The following DNM1L variants were observed in gnomAD, a reference collection of about 807,000 sequenced individuals.
DNM1L encodes dynamin-1-like protein.
DNM1L carries 33 observed loss-of-function variants against 92.8 expected under a neutral mutation model. The observed-to-expected ratio is 0.36, with a 90% CI of 0.27 to 0.48. The LOEUF is 0.48. Ranked by LOEUF, DNM1L falls within the 20% of genes least tolerant of loss-of-function variation. The pLI is 0.99. For missense variants in DNM1L, 485 were observed against 888.8 expected (o/e 0.55, Z 5.78); for synonymous variants, 284 against 305.0 (o/e 0.93, Z 0.72).
At position 32,743,695 on chromosome 12, in the gene DNM1L, C is replaced by G; in HGVS notation, c.*285C>G. Reference sequence around the variant, plus strand: ...TAACTTAAAAACAACTGTTAATGTTCTAGTTGTGCAAAGCAGTTTGCCTGT... The same window carrying G: ...TAACTTAAAAACAACTGTTAATGTTGTAGTTGTGCAAAGCAGTTTGCCTGT... On this transcript the variant is annotated 3_prime_UTR_variant, in exon 20 of 20. Transcript: ENST00000549701. 2.3e-6 allele frequency: 1 copy of G among 434,712 alleles called. No homozygotes were observed. The highest frequency in any genetic ancestry group is 4.2e-6 in the Non-Finnish European group (1 of 239,172). 26.9% of individuals were successfully genotyped at this position (434,712 alleles called of 1,614,324 possible).
chr12:32,707,092 A>G, intron 2 of DNM1L: 1 of 332,354 alleles, frequency 3.0e-6, no homozygotes, highest in East Asian at 5.2e-5. Context: ...TATTTGCAAA[A>G]TCTAGATTTC....
In DNM1L at chr12:32,742,657, G is replaced by T; in HGVS notation, c.2063G>T (p.Gly688Val). 1 of 1,614,080 alleles carries T rather than the reference G, an allele frequency of 6.2e-7. No individual in the cohort carries two copies. The highest frequency in any genetic ancestry group is 8.5e-7 in the Non-Finnish European group (1 of 1,180,000). ...GACACTCTTCAGAGTGAGCTAGTAG[G>T]CCAGCTGTATAAATCATCCTTATTG... Reference protein sequence around the residue: ...VKDTLQSELVGQLYKSSLLDD... With the variant: ...VKDTLQSELVVQLYKSSLLDD... Residue 688 changes from glycine (G) to valine (V), a missense_variant, in exon 19 of 20, where the codon GGC becomes GTC. Physicochemically the swap from Gly to Val is moderately radical, Grantham distance 109. Coordinates refer to ENST00000549701, the MANE Select transcript of DNM1L (RefSeq NM_012062.5).
chr12:32,730,311 C>T (rs1954466376), intron 9 of DNM1L, among the ~76,000 whole-genome samples: 1 of 152,194 alleles, frequency 6.6e-6, no homozygotes, highest in South Asian at 2.1e-4. Context: ...TTGCAGTAAG[C>T]CAAGAGCGCA....
At chr12:32,726,569 G>A in intron 9 of DNM1L, 1 of 1,214,466 alleles carries the variant, frequency 8.2e-7, no homozygotes, top group South Asian at 1.3e-5. Context: ...CACGTAAAAA[G>A]TGACCAATTT....
At chr12:32,724,681 A>G (rs979983201) in intron 9 of DNM1L, among the ~76,000 whole-genome samples, 6 of 107,664 alleles carry the variant, frequency 5.6e-5, no homozygotes, top group Admixed American at 2.7e-4. Flanking sequence ...AATAATATAT[A>G]TAATAATATA....
At chr12:32,737,654 A>G in intron 14 of DNM1L, 4 of 536,760 alleles carry the variant, frequency 7.5e-6, no homozygotes, top group Non-Finnish European at 1.3e-5. Context: ...TTGGATTTGG[A>G]TTTTTCTTAT....
rs1565516881 is a variant in DNM1L at position 32,717,228 on chromosome 12, A to AC, written c.620-1415_620-1414insC. On this transcript the variant is annotated intron_variant, in intron 6 of 19. Coordinates refer to ENST00000549701, the MANE Select transcript of DNM1L (RefSeq NM_012062.5). ...ATATACTATAAAATATATAGTATAT[A>AC]TTATATATATTTTATATATAGTATA... 3.0e-3 allele frequency among the ~76,000 whole-genome samples: 332 copies of AC among 111,076 alleles called. 1 individual carries two copies. Among genetic ancestry groups the AC allele is most frequent in the Non-Finnish European group, 4.7e-3 (278 of 58,532 alleles). The allele number at this position is 111,076 out of a possible 152,430, so 72.9% of individuals were successfully genotyped here.
chr12:32,735,181 T>C (rs1954789230), intron 13 of DNM1L, among the ~76,000 whole-genome samples: 1 of 152,200 alleles, frequency 6.6e-6, no homozygotes, highest in African/African-American at 2.4e-5. Flanking sequence ...TACAAATGAA[T>C]AGGTTTCTGG....
intron 6 of DNM1L, among the ~76,000 whole-genome samples, chr12:32,717,921 GTATA>G (rs1466340521): frequency 1.1e-4 from 8 of 74,290 alleles, no homozygotes; most frequent in African/African-American, 4.8e-4. Flanking sequence ...ATAAAATATA[GTATA>G]TATTTTATAT....
chr12:32,710,996 A>AT lies in DNM1L; in HGVS notation c.440dup (p.Leu147PhefsTer11), dbSNP rs1953104362. Reference sequence around the variant, plus strand: ...AACGTTGTCAATTTGACACTTGTGGATTTGCCAGGAATGACCAAGGTAAGG... The same window carrying AT: ...AACGTTGTCAATTTGACACTTGTGGATTTTGCCAGGAATGACCAAGGTAAGG... On this transcript the variant is annotated frameshift_variant, in exon 5 of 20. Coordinates refer to ENST00000549701, the MANE Select transcript of DNM1L (RefSeq NM_012062.5). LOFTEE classifies it high-confidence loss of function. The AT allele has an allele frequency of 6.2e-7, 1 of 1,613,792 alleles. No homozygotes were observed. Among genetic ancestry groups the AT allele is most frequent in the Non-Finnish European group, 8.5e-7 (1 of 1,179,888 alleles).
At chr12:32,717,075 ATATATATATATTT>A (rs1033302627) in intron 6 of DNM1L, among the ~76,000 whole-genome samples, 9 of 133,554 alleles carry the variant, frequency 6.7e-5, no homozygotes, top group South Asian at 2.2e-4. Context: ...ATACATAGGT[ATATATATATATTT>A]TATATATATA....
intron 9 of DNM1L, among the ~76,000 whole-genome samples, chr12:32,725,090 C>CT (rs200381294): frequency 1.4e-4 from 20 of 140,440 alleles, no homozygotes; most frequent in South Asian, 2.2e-4. Context: ...TCTTCTTCTT[C>CT]TTTTTTTTTA....
rs979494036 is a variant in DNM1L at position 32,736,646 on chromosome 12, TGTTTGA to T, written c.1540-454_1540-449del. 3.9e-5 allele frequency among the ~76,000 whole-genome samples: 6 copies of T among 152,248 alleles called. No homozygotes were observed. In the South Asian group the frequency reaches 8.3e-4, roughly 21 times the overall value. On this transcript the variant is annotated intron_variant, in intron 13 of 19. Coordinates refer to ENST00000549701, the MANE Select transcript of DNM1L (RefSeq NM_012062.5). ...CAAGATACGGTTTTATGAGGGGAGT[TGTTTGA>T]GTTTAACACAAAGGTGTTCAGGTTA...
At position 32,731,547 on chromosome 12, in the gene DNM1L, T is replaced by C; in HGVS notation, c.1356+36T>C. The C allele has an allele frequency of 6.2e-7, 1 of 1,612,318 alleles. No individual in the cohort carries two copies. Among genetic ancestry groups the C allele is most frequent in the Non-Finnish European group, 8.5e-7 (1 of 1,179,648 alleles). On this transcript the variant is annotated intron_variant, in intron 11 of 19. Coordinates refer to ENST00000549701, the MANE Select transcript of DNM1L (RefSeq NM_012062.5). The surrounding 1 kb of genome is among the most constrained non-coding windows in gnomAD (Gnocchi z 5.1). ...GAAATGTAACAGGTTTCACATGAACTAGAAAAGGACATGAAGTGGTGGTTT... is the reference window on the plus strand; with the variant it reads ...GAAATGTAACAGGTTTCACATGAACCAGAAAAGGACATGAAGTGGTGGTTT...
intron 7 of DNM1L, 28 bp downstream of exon 7, chr12:32,718,791 G>A (rs776936280): frequency 2.0e-5 from 32 of 1,612,020 alleles, no homozygotes; most frequent in Non-Finnish European, 2.7e-5. Flanking sequence ...GATAAGAATT[G>A]GGATAAGCAT....
chr12:32,686,937 C>CTTTT (rs71447614), intron 1 of DNM1L, among the ~76,000 whole-genome samples: 94 of 95,544 alleles, frequency 9.8e-4, no homozygotes, highest in African/African-American at 2.3e-3. Flanking sequence ...TCTTTTTTTT[C>CTTTT]TTTTTTTTTT....
chr12:32,737,817 A>G, intron 14 of DNM1L, 48 bp from the exon 15 acceptor site: 1 of 1,461,630 alleles, frequency 6.8e-7, no homozygotes, highest in Non-Finnish European at 9.6e-7. Flanking sequence ...TCCTGAATGC[A>G]TTTTTGCATC....
intron 1 of DNM1L, chr12:32,679,813 C>T (rs1951736418): frequency 3.9e-6 from 4 of 1,018,632 alleles, no homozygotes; most frequent in South Asian, 9.2e-5. Flanking sequence ...GTGCCGCTGC[C>T]TCCAAGGGCA....
At chr12:32,723,961 A>G (rs1953941697) in intron 9 of DNM1L, among the ~76,000 whole-genome samples, 1 of 152,196 alleles carries the variant, frequency 6.6e-6, no homozygotes, top group Admixed American at 6.5e-5. Flanking sequence ...GGAAGTTTTC[A>G]TCACCTCTAA....
Sources: gnomAD v4.1 joint callset for allele counts (sites outside exome capture counted in the v4.1 genomes callset) on GRCh38, gnomAD v4.1.1 for gene constraint, Gnocchi (gnomAD v3.1) non-coding constraint, MANE v1.5 for transcripts, NCBI Gene and HGNC (gene_info 2026-07-23, HGNC 2026-07-21) for gene names.